The following HGD variants were observed in gnomAD, a reference collection of about 807,000 sequenced individuals.
HGD encodes homogentisate 1,2-dioxygenase.
Under a neutral mutation model 60.8 loss-of-function variants are expected in HGD, and 61 were observed. The ratio of observed to expected loss-of-function variants is 1.00; its 90% CI spans 0.82 to 1.24. The LOEUF (loss-of-function observed/expected upper bound fraction) is 1.24, where lower values mean the gene tolerates loss of function less well. HGD is among the 50% of genes most tolerant of loss of function. The pLI is 0.00. For missense variants in HGD, 542 were observed against 547.1 expected (o/e 0.99, Z 0.09); for synonymous variants, 212 against 187.7 (o/e 1.13, Z -1.06).
chr3:120,638,485 C>T lies in HGD; in HGVS notation c.976G>A (p.Asp326Asn), dbSNP rs143396290. 4 of 1,613,814 alleles carry T rather than the reference C, an allele frequency of 2.5e-6. No individual in the cohort carries two copies. Among genetic ancestry groups the T allele is most frequent in the Non-Finnish European group, 3.4e-6 (4 of 1,179,924 alleles). Reference protein sequence around the residue: ...VIFPPRWGVADKTFRPPYYHR... With the variant: ...VIFPPRWGVANKTFRPPYYHR... ...TAATAAGGAGGCCTGAAGGTCTTAT[C>T]AGCAACCCCCCATCGAGGTGGGAAG... Residue 326 changes from aspartate (D) to asparagine (N), a missense_variant, in exon 12 of 14, where the codon GAT (aspartate) becomes AAT (asparagine). Around this residue, in one of 2 missense-constraint regions of HGD, gnomAD observed 537 missense variants for 529.1 expected, o/e 1.01. Coordinates refer to ENST00000283871, the MANE Select transcript of HGD (RefSeq NM_000187.4).
intron 4 of HGD, among the ~76,000 whole-genome samples, chr3:120,655,650 A>G (rs763053839): frequency 3.3e-5 from 5 of 152,210 alleles, no homozygotes; most frequent in African/African-American, 4.8e-5. Flanking sequence ...ATTAATAGGA[A>G]GAGTCCATGG....
At chr3:120,677,964 T>A (rs1279232557) in intron 1 of HGD, 1 of 152,192 alleles carries the variant, frequency 6.6e-6, no homozygotes, top group Non-Finnish European at 1.5e-5. Flanking sequence ...AGCCTGGATG[T>A]GTGAGTGATG....
chr3:120,662,418 C>T (rs1175655262), intron 4 of HGD, among the ~76,000 whole-genome samples: 1 of 152,120 alleles, frequency 6.6e-6, no homozygotes, highest in Non-Finnish European at 1.5e-5. Context: ...GCACACTCTA[C>T]AGCAGAATTT....
intron 4 of HGD, among the ~76,000 whole-genome samples, chr3:120,666,099 G>T (rs537086970): frequency 2.6e-5 from 4 of 152,126 alleles, no homozygotes; most frequent in African/African-American, 7.2e-5. Context: ...ATCAGCCAGG[G>T]TTTATCATGG....
rs760621801 is a variant in HGD at position 120,674,910 on chromosome 3, T to C, written c.167A>G (p.Asn56Ser). 6.8e-6 allele frequency: 11 copies of C among 1,606,600 alleles called. No homozygotes were observed. The South Asian group carries it at 9.9e-5, about 14-fold the overall frequency. ...GSAFTCPRST[N>S]KRSWLYRILP... ...CATCTAATCCTTGTACCTTCTCTTATTGGTGCTCCGTGGACAAGTGAAAGC... is the reference window on the plus strand; with the variant it reads ...CATCTAATCCTTGTACCTTCTCTTACTGGTGCTCCGTGGACAAGTGAAAGC... The change falls in exon 3 of 14, where the codon AAT becomes AGT. Residue 56 changes from asparagine to serine, a missense_variant. Physicochemically the swap from Asn to Ser is conservative, Grantham distance 46. Coordinates refer to ENST00000283871, the MANE Select transcript of HGD (RefSeq NM_000187.4).
At position 120,633,176 on chromosome 3, in the gene HGD, C is replaced by A. The variant is rs1940644454; in HGVS notation, c.1159G>T (p.Ala387Ser). 1 of 1,613,954 alleles carries A rather than the reference C, an allele frequency of 6.2e-7. No individual in the cohort carries two copies. Among genetic ancestry groups the A allele is most frequent in the Admixed American group, 1.7e-5 (1 of 59,980 alleles). The change falls in exon 13 of 14, where the codon GCA (alanine) becomes TCA (serine). Residue 387 changes from alanine to serine, a missense_variant. Ala to Ser is a moderately conservative substitution (Grantham distance 99). This residue lies in a region of HGD where 537 missense variants were observed against 529.1 expected (regional missense o/e 1.01). Transcript: ENST00000283871. ...CFEKASKVKLAPERIADGTMA... is the reference protein window; with the variant it reads ...CFEKASKVKLSPERIADGTMA... ...GTGCCATCGGCAATCCTCTCAGGTG[C>A]CAGCTTGACCTTGCTGGCCTTCTCA...
chr3:120,635,550 T>A (rs888970583), intron 12 of HGD, among the ~76,000 whole-genome samples: 1 of 150,784 alleles, frequency 6.6e-6, no homozygotes, highest in Non-Finnish European at 1.5e-5. Context: ...GCAATATTTC[T>A]ATAGAAATAA....
At chr3:120,662,690 T>C (rs1707803482) in intron 4 of HGD, among the ~76,000 whole-genome samples, 1 of 152,162 alleles carries the variant, frequency 6.6e-6, no homozygotes, top group Non-Finnish European at 1.5e-5. Flanking sequence ...TTATTTCTTA[T>C]CAACAACTAT....
Position 120,628,236 on chromosome 3 carries a change from T to C in HGD, c.*144A>G, listed in dbSNP as rs1183837719. 1.1e-6 allele frequency: 1 copy of C among 912,380 alleles called. No homozygotes were observed. The highest frequency in any genetic ancestry group is 3.4e-4 in the Middle Eastern group (1 of 2,966). The allele number at this position is 912,380 out of a possible 1,614,324, so 56.5% of individuals were successfully genotyped here. ...ACAGCCATAGAACTTTGCAAATGCG[T>C]TTCCATAAAAGTTCTGAGTTACTTG... On this transcript the variant is annotated 3_prime_UTR_variant, in exon 14 of 14. Coordinates refer to ENST00000283871, the MANE Select transcript of HGD (RefSeq NM_000187.4).
Position 120,674,900 on chromosome 3 carries a change from C to T in HGD, c.176+1G>A. 2 of 1,599,884 alleles carry T rather than the reference C, an allele frequency of 1.3e-6. No individual in the cohort carries two copies. Among genetic ancestry groups the T allele is most frequent in the South Asian group, 1.1e-5 (1 of 90,836 alleles). ...GGTCAGAATTCATCTAATCCTTGTA[C>T]CTTCTCTTATTGGTGCTCCGTGGAC... On this transcript the variant is annotated splice_donor_variant, in intron 3 of 13. Transcript: ENST00000283871. LOFTEE classifies it high-confidence loss of function.
chr3:120,670,583 TG>T, intron 3 of HGD, 51 bp from the exon 4 acceptor site: 7 of 1,040,910 alleles, frequency 6.7e-6, no homozygotes, highest in Non-Finnish European at 1.1e-5. Flanking sequence ...ATGTTCTGAG[TG>T]ATACACAGAA....
At chr3:120,659,059 G>T (rs1941582360) in intron 4 of HGD, among the ~76,000 whole-genome samples, 1 of 152,194 alleles carries the variant, frequency 6.6e-6, no homozygotes, top group Non-Finnish European at 1.5e-5. Context: ...TGCCTTTGAG[G>T]CCTTTCCCAC....
chr3:120,633,147 C>A lies in HGD; in HGVS notation c.1188G>T (p.Met396Ile). 6.2e-7 allele frequency: 1 copy of A among 1,614,020 alleles called. No individual in the cohort carries two copies. Among genetic ancestry groups the A allele is most frequent in the South Asian group, 1.1e-5 (1 of 91,072 alleles). The change falls in exon 13 of 14, where the codon ATG becomes ATT. Residue 396 changes from methionine to isoleucine, a missense_variant and splice_region_variant. Physicochemically the swap from Met to Ile is conservative, Grantham distance 10 (BLOSUM62 1). Transcript: ENST00000283871. Reference protein sequence around the residue: ...LAPERIADGTMAFMFESSLSL... With the variant: ...LAPERIADGTIAFMFESSLSL... ...GGAATGTGGCAGTTAACATACTTAC[C>A]ATGGTGCCATCGGCAATCCTCTCAG... is the stretch of plus-strand genomic sequence containing the variant.
intron 3 of HGD, among the ~76,000 whole-genome samples, chr3:120,672,141 T>C (rs1432087244): frequency 6.6e-6 from 1 of 152,218 alleles, no homozygotes; most frequent in Non-Finnish European, 1.5e-5. Flanking sequence ...ACCCTGGAAC[T>C]TAAAATAAAA....
intron 7 of HGD, 35 bp from the exon 8 acceptor site, chr3:120,647,087 C>A (rs753862195): frequency 6.5e-7 from 1 of 1,535,352 alleles, no homozygotes; most frequent in Non-Finnish European, 9.0e-7. Context: ...GTGAGCAATT[C>A]TTTTGGTGTG....
intron 4 of HGD, among the ~76,000 whole-genome samples, chr3:120,657,747 C>A (rs150266309): frequency 6.6e-6 from 1 of 151,262 alleles, no homozygotes; most frequent in Non-Finnish European, 1.5e-5. Context: ...TCTGAGGAGG[C>A]GTCAAGAAAT....
chr3:120,659,646 C>T (rs1333099690), intron 4 of HGD, among the ~76,000 whole-genome samples: 1 of 152,226 alleles, frequency 6.6e-6, no homozygotes, highest in Non-Finnish European at 1.5e-5. Flanking sequence ...ACTCTTCCAA[C>T]CTCTGCCAGT....
intron 4 of HGD, among the ~76,000 whole-genome samples, chr3:120,655,153 C>A (rs1941457099): frequency 1.3e-5 from 2 of 152,040 alleles, no homozygotes. Flanking sequence ...AAAGTCCTGG[C>A]CCTCAGAGAA....
intron 3 of HGD, among the ~76,000 whole-genome samples, chr3:120,671,402 C>T (rs1467187925): frequency 6.6e-6 from 1 of 151,952 alleles, no homozygotes; most frequent in African/African-American, 2.4e-5. Flanking sequence ...TTTATTGGCT[C>T]TTTATAGTTT....
Sources: allele counts gnomAD v4.1 joint callset (sites outside exome capture counted in the v4.1 genomes callset), GRCh38; gene constraint gnomAD v4.1.1; regional missense constraint gnomAD v4.1.1; transcripts MANE v1.5; gene names NCBI Gene and HGNC (gene_info 2026-07-23, HGNC 2026-07-21).